The following ATG4C variants were observed in gnomAD, a reference collection of about 807,000 sequenced individuals.
ATG4C encodes the protein cysteine protease ATG4C.
Under a neutral mutation model 57.6 loss-of-function variants are expected in ATG4C, and 56 were observed. The observed-to-expected ratio is 0.97, with a 90% confidence interval of 0.78 to 1.21. The LOEUF (loss-of-function observed/expected upper bound fraction) is 1.21, where lower values mean the gene tolerates loss of function less well. Ranked by LOEUF, ATG4C falls within the 50% of genes most tolerant of loss-of-function variation. The probability of loss-of-function intolerance (pLI) is 0.00; values close to 1 mark genes in which losing one functional copy is unlikely to be tolerated. For synonymous variants in ATG4C, 157 were observed against 174.1 expected, an observed-to-expected ratio of 0.90 and a Z score of 0.78; for missense variants, 595 against 529.8, an observed-to-expected ratio of 1.12 and a Z score of -1.21.
intron 4 of ATG4C, among the ~76,000 whole-genome samples, chr1:62,818,184 T>G (rs555607035): frequency 6.6e-6 from 1 of 152,332 alleles, no homozygotes; most frequent in South Asian, 2.1e-4. Flanking sequence ...TTTTATGATT[T>G]CATTTATTAA....
chr1:62,826,746 C>G (rs1665673420), intron 6 of ATG4C, among the ~76,000 whole-genome samples: 1 of 139,820 alleles, frequency 7.2e-6, no homozygotes, highest in African/African-American at 2.6e-5. Context: ...TCCCCCCTCC[C>G]CCTACCCCAC....
chr1:62,792,349 C>T (rs1370853641), intron 1 of ATG4C, among the ~76,000 whole-genome samples: 1 of 152,142 alleles, frequency 6.6e-6, no homozygotes, highest in Non-Finnish European at 1.5e-5. Flanking sequence ...TTCTCATTAC[C>T]ACTCATAGAC....
chr1:62,841,583 C>A (rs1666169145), intron 10 of ATG4C, 36 bp downstream of exon 10: 1 of 1,474,490 alleles, frequency 6.8e-7, no homozygotes, highest in South Asian at 1.5e-5. Flanking sequence ...TGTAAATGAC[C>A]TAATTTTATT....
chr1:62,828,955 G>T (rs1027038718), intron 6 of ATG4C, 85 bp from the exon 7 acceptor site: 4 of 1,228,456 alleles, frequency 3.3e-6, no homozygotes, highest in Non-Finnish European at 4.5e-6. Context: ...TGTCCATTGC[G>T]GGGTGGAGGA....
rs375752144 is a variant in ATG4C, at chr1:62,835,958, A to T, written c.1089+1106A>T. Among the ~76,000 whole-genome samples the T allele has an allele frequency of 1.7e-4, 26 of 152,188 alleles. No individual in the cohort carries two copies. In the East Asian group the frequency reaches 3.7e-3, roughly 21 times the overall value. Reference sequence around the variant, plus strand: ...TTACATTTCCAGTAGATCAGTGCCAAATTGACTCCTTATAAACAGTAGGTA... The same window carrying T: ...TTACATTTCCAGTAGATCAGTGCCATATTGACTCCTTATAAACAGTAGGTA... On this transcript the variant is annotated intron_variant, in intron 9 of 10. Transcript: ENST00000317868.
At chr1:62,792,793 A>G (rs542576876) in intron 1 of ATG4C, among the ~76,000 whole-genome samples, 2 of 152,116 alleles carry the variant, frequency 1.3e-5, no homozygotes, top group African/African-American at 4.8e-5. Flanking sequence ...GTTTTAAAGG[A>G]GATCTTTTTA....
chr1:62,806,107 C>T (rs1301240048), intron 3 of ATG4C, among the ~76,000 whole-genome samples: 1 of 152,024 alleles, frequency 6.6e-6, no homozygotes, highest in Non-Finnish European at 1.5e-5. Context: ...TTATAATGTG[C>T]CAAGCAGTAT....
chr1:62,791,195 T>C (rs1406975051), intron 1 of ATG4C, among the ~76,000 whole-genome samples: 1 of 152,242 alleles, frequency 6.6e-6, no homozygotes, highest in Non-Finnish European at 1.5e-5. Flanking sequence ...ATTTTGCTTA[T>C]TAGAATGTAA....
intron 10 of ATG4C, among the ~76,000 whole-genome samples, chr1:62,843,190 C>T (rs1666224051): frequency 1.3e-5 from 2 of 151,680 alleles, no homozygotes; most frequent in Non-Finnish European, 1.5e-5. Flanking sequence ...CTGATATTTT[C>T]TAATTAAAGA....
chr1:62,823,668 C>T (rs1325695827), intron 6 of ATG4C, among the ~76,000 whole-genome samples: 1 of 152,206 alleles, frequency 6.6e-6, no homozygotes, highest in Non-Finnish European at 1.5e-5. Flanking sequence ...TTTGTCCCGA[C>T]CTACATTTCC....
chr1:62,836,310 A>G (rs1394959677), intron 9 of ATG4C, among the ~76,000 whole-genome samples: 1 of 152,104 alleles, frequency 6.6e-6, no homozygotes, highest in East Asian at 1.9e-4. Context: ...AATTTGTTAA[A>G]ATTGACTTCT....
rs545667264 is a variant in ATG4C, at chr1:62,819,200, A to G, written c.590A>G (p.His197Arg). The change falls in exon 5 of 11, where the codon CAT (histidine) becomes CGT (arginine). Residue 197 changes from histidine (H) to arginine (R), a missense_variant. Coordinates refer to ENST00000317868, the MANE Select transcript of ATG4C (RefSeq NM_032852.4). ...DDHEMRNEVY[H>R]RKIISWFGDS... ...CATGAAATGCGAAATGAAGTTTATC[A>G]TAGGAAAATCATCTCTTGGTTTGGT... 4 of 1,613,518 alleles carry G rather than the reference A, an allele frequency of 2.5e-6. No individual in the cohort carries two copies. The African/African-American group carries it at 4.0e-5, about 16-fold the overall frequency.
chr1:62,849,953 T>C (rs1198309625), intron 10 of ATG4C, among the ~76,000 whole-genome samples: 1 of 152,206 alleles, frequency 6.6e-6, no homozygotes, highest in Non-Finnish European at 1.5e-5. Context: ...GACTATAAAC[T>C]AAAAATATTT....
chr1:62,815,453 TCTTA>T (rs780328022), intron 3 of ATG4C, among the ~76,000 whole-genome samples: 50 of 152,196 alleles, frequency 3.3e-4, no homozygotes, highest in Admixed American at 2.0e-4. Context: ...ACCCCACACA[TCTTA>T]CTTAATATGT....
At chr1:62,814,723 T>C (rs1053013621) in intron 3 of ATG4C, among the ~76,000 whole-genome samples, 1 of 152,192 alleles carries the variant, frequency 6.6e-6, no homozygotes, top group African/African-American at 2.4e-5. Flanking sequence ...AAGTACTAGC[T>C]GAGTCTTGCT....
At chr1:62,847,723 C>T (rs775269892) in intron 10 of ATG4C, among the ~76,000 whole-genome samples, 3 of 152,004 alleles carry the variant, frequency 2.0e-5, no homozygotes, top group Non-Finnish European at 2.9e-5. Context: ...TAGAGTTTGG[C>T]GTGTTTGGGA....
At chr1:62,827,181 A>C (rs1665689475) in intron 6 of ATG4C, among the ~76,000 whole-genome samples, 2 of 152,258 alleles carry the variant, frequency 1.3e-5, no homozygotes, top group South Asian at 2.1e-4. Context: ...TCAAGAGCTC[A>C]CACAATCTGT....
chr1:62,833,214 G>T (rs1456408896), intron 7 of ATG4C, among the ~76,000 whole-genome samples: 6 of 152,106 alleles, frequency 3.9e-5, no homozygotes, highest in Non-Finnish European at 8.8e-5. Flanking sequence ...TTGTTTAATA[G>T]TTTTGGGATT....
At position 62,841,465 on chromosome 1, in the gene ATG4C, G is replaced by A. The variant is rs566691423; in HGVS notation, c.1127G>A (p.Arg376Gln). The A allele has an allele frequency of 5.9e-5, 95 of 1,607,274 alleles. No individual in the cohort carries two copies. The highest frequency in any genetic ancestry group is 1.6e-4 in the South Asian group (14 of 89,506). ...HCPSPKKMSF[R>Q]KMDPSCTIGF... ...CCTTCTCCCAAAAAGATGTCTTTTC[G>A]AAAAATGGATCCCAGCTGTACAATA... Residue 376 changes from arginine (R) to glutamine (Q), a missense_variant, in exon 10 of 11, where the codon CGA becomes CAA. Transcript: ENST00000317868.
Sources: gnomAD v4.1 joint callset for allele counts (sites outside exome capture counted in the v4.1 genomes callset) on GRCh38, gnomAD v4.1.1 for gene constraint, MANE v1.5 for transcripts, NCBI Gene and HGNC (gene_info 2026-07-23, HGNC 2026-07-21) for gene names.